KCNJ9: variants seen among roughly 807,000 people sequenced by gnomAD.
KCNJ9 encodes G protein-activated inward rectifier potassium channel 3.
In KCNJ9, 18 loss-of-function variants were observed where a neutral mutation model predicts 27.9. The ratio of observed to expected loss-of-function variants is 0.65; its 90% CI spans 0.45 to 0.96. The LOEUF (loss-of-function observed/expected upper bound fraction) is 0.96. Among genes scored for constraint, KCNJ9 ranks in the 40% least tolerant of loss-of-function variants. The pLI, the probability that KCNJ9 is intolerant of heterozygous loss-of-function variation, is 0.00. For synonymous variants in KCNJ9, 229 were observed against 248.2 expected (o/e 0.92, Z 0.73); for missense variants, 324 against 557.5 (o/e 0.58, Z 4.22).
At chr1:160,081,789 C>A (rs1423457484) in intron 1 of KCNJ9, 92 bp downstream of exon 1, 1 of 152,132 alleles carries the variant, frequency 6.6e-6, no homozygotes, top group Non-Finnish European at 1.5e-5. Flanking sequence ...GGAGTTTTCA[C>A]CAGGTCTCTC....
At position 160,089,703 on chromosome 1, in the gene KCNJ9, G is replaced by A. The variant is rs1363267393; in HGVS notation, c.*1886G>A. The A allele has an allele frequency of 6.6e-6, 1 of 152,346 alleles. No individual in the cohort carries two copies. Among genetic ancestry groups the A allele is most frequent in the Non-Finnish European group, 1.5e-5 (1 of 68,154 alleles). The allele number at this position is 152,346 out of a possible 1,614,324, so 9.4% of individuals were successfully genotyped here. Reference sequence around the variant, plus strand: ...AGCGGCAGCTTCCTGGATAGTGAGGGAGAACAACTGCAAGTTGAGAGAGGC... The same window carrying A: ...AGCGGCAGCTTCCTGGATAGTGAGGAAGAACAACTGCAAGTTGAGAGAGGC... On this transcript the variant is annotated 3_prime_UTR_variant, in exon 3 of 3. Coordinates refer to ENST00000368088, the MANE Select transcript of KCNJ9 (RefSeq NM_004983.3).
chr1:160,084,100 T>C lies in KCNJ9; in HGVS notation c.70T>C (p.Tyr24His). The C allele has an allele frequency of 6.5e-7, 1 of 1,546,222 alleles. No homozygotes were observed. The highest frequency in any genetic ancestry group is 8.7e-7 in the Non-Finnish European group (1 of 1,147,130). ...EPPRRRGRQR[Y>H]VEKDGRCNVQ... is the part of the protein sequence containing the mutation. ...GCCGCGGCGCCGCGGCCGCCAGCGC[T>C]ACGTGGAGAAGGATGGCCGGTGCAA... The change falls in exon 2 of 3, where the codon TAC (tyrosine) becomes CAC (histidine). Residue 24 changes from tyrosine (Y) to histidine (H), a missense_variant. By Grantham distance (83) the Tyr-to-His change is moderately conservative. Coordinates refer to ENST00000368088, the MANE Select transcript of KCNJ9 (RefSeq NM_004983.3).
intron 1 of KCNJ9, among the ~76,000 whole-genome samples, chr1:160,083,602 T>C (rs985849334): frequency 6.6e-6 from 1 of 152,224 alleles, no homozygotes; most frequent in Admixed American, 6.5e-5. Flanking sequence ...GCCTGGGTCT[T>C]TGGCCCCGGG....
Position 160,084,458 on chromosome 1 carries a change from C to G in KCNJ9, c.428C>G (p.Ala143Gly), listed in dbSNP as rs755409433. ...GGCATCGTGCTGCTGCTGCTGCAGGCCATCCTGGGCTCCATGGTGAACGCC... is the reference window on the plus strand; with the variant it reads ...GGCATCGTGCTGCTGCTGCTGCAGGGCATCCTGGGCTCCATGGTGAACGCC... ...PEGIVLLLLQ[A>G]ILGSMVNAFM... The change falls in exon 2 of 3, where the codon GCC (alanine) becomes GGC (glycine). Residue 143 changes from alanine to glycine, a missense_variant. This residue lies in a region of KCNJ9 where 241 missense variants were observed against 481.7 expected (regional missense o/e 0.50). Coordinates refer to ENST00000368088, the MANE Select transcript of KCNJ9 (RefSeq NM_004983.3). 6.2e-7 allele frequency: 1 copy of G among 1,613,718 alleles called. No homozygotes were observed. The highest frequency in any genetic ancestry group is 8.5e-7 in the Non-Finnish European group (1 of 1,179,922).
Position 160,088,174 on chromosome 1 carries a change from C to T in KCNJ9, c.*357C>T, listed in dbSNP as rs2737705. 84,743 of 218,228 alleles carry T rather than the reference C, an allele frequency of 0.39. 17,230 individuals are homozygous for T. The highest frequency in any genetic ancestry group is 0.44 in the East Asian group (4,637 of 10,444). The allele number at this position is 218,228 out of a possible 1,614,324, so 13.5% of individuals were successfully genotyped here. ...GATACATAGATGGACCAGTAGACAA[C>T]TGGTCCACTCAGGGCTGCCACTAAC... On this transcript the variant is annotated 3_prime_UTR_variant, in exon 3 of 3. Coordinates refer to ENST00000368088, the MANE Select transcript of KCNJ9 (RefSeq NM_004983.3).
At position 160,088,434 on chromosome 1, in the gene KCNJ9, C is replaced by T. The variant is rs1343909982; in HGVS notation, c.*617C>T. The T allele has an allele frequency of 6.6e-6, 1 of 152,276 alleles. No homozygotes were observed. The highest frequency in any genetic ancestry group is 1.5e-5 in the Non-Finnish European group (1 of 68,126). The allele number at this position is 152,276 out of a possible 1,614,324, so 9.4% of individuals were successfully genotyped here. A position where few individuals can be genotyped will look rare whatever the true frequency, so the allele number is the denominator to read the frequency against. ...ATGGGCACATGAGGAGGGTGCCCTC[C>T]TAGCTCCACCCTCACCAGGATGAAG... On this transcript the variant is annotated 3_prime_UTR_variant, in exon 3 of 3. Coordinates refer to ENST00000368088, the MANE Select transcript of KCNJ9 (RefSeq NM_004983.3).
At chr1:160,084,950 G>C (rs2101946232) in intron 2 of KCNJ9, 70 bp downstream of exon 2, 2 of 1,444,556 alleles carry the variant, frequency 1.4e-6, no homozygotes, top group East Asian at 5.0e-5. Context: ...GCAGGGGCGA[G>C]ACTAGGGGCC....
intron 1 of KCNJ9, among the ~76,000 whole-genome samples, 154 bp downstream of exon 1, chr1:160,081,851 G>C (rs767976669): frequency 3.3e-5 from 5 of 152,198 alleles, no homozygotes; most frequent in Admixed American, 1.3e-4. Context: ...GGAGGAAGAG[G>C]GGCCCAGGAA....
chr1:160,086,413 G>A (rs1229729473), intron 2 of KCNJ9, among the ~76,000 whole-genome samples: 3 of 152,190 alleles, frequency 2.0e-5, no homozygotes, highest in Admixed American at 1.3e-4. Flanking sequence ...CAGAGGAGAT[G>A]AGGATAGGAA....
Position 160,084,192 on chromosome 1 carries a change from C to T in KCNJ9, c.162C>T (p.Asp54=), listed in dbSNP as rs956914753. Residue 54 remains aspartate, a synonymous_variant, in exon 2 of 3, where the codon GAC becomes GAT. Coordinates refer to ENST00000368088, the MANE Select transcript of KCNJ9 (RefSeq NM_004983.3). ...CGGACCTGTTCACCACGCTGGTGGA[C>T]CTGCAGTGGCGCCTCAGCCTGTTGT... ...YLTDLFTTLV[D]LQWRLSLLFF... is the part of the protein sequence containing the mutation. 3.1e-6 allele frequency: 5 copies of T among 1,611,002 alleles called. No individual in the cohort carries two copies. In the African/African-American group the frequency reaches 4.0e-5, roughly 13 times the overall value.
rs1469759594 is a variant in KCNJ9 at position 160,084,471 on chromosome 1, C to T, written c.441C>T (p.Ser147=). Residue 147 remains serine (S), a synonymous_variant, in exon 2 of 3, where the codon TCC becomes TCT. Coordinates refer to ENST00000368088, the MANE Select transcript of KCNJ9 (RefSeq NM_004983.3). ...VLLLLQAILG[S]MVNAFMVGCM... ...TGCTGCTGCAGGCCATCCTGGGCTC[C>T]ATGGTGAACGCCTTCATGGTGGGCT... is the stretch of plus-strand genomic sequence containing the variant. 6.2e-7 allele frequency: 1 copy of T among 1,613,668 alleles called. No homozygotes were observed. Among genetic ancestry groups the T allele is most frequent in the East Asian group, 2.2e-5 (1 of 44,884 alleles).
At chr1:160,084,965 G>A (rs1649751286) in intron 2 of KCNJ9, 85 bp downstream of exon 2, 14 of 1,391,040 alleles carry the variant, frequency 1.0e-5, no homozygotes, top group Middle Eastern at 2.5e-4. Context: ...GGGGCCAGGG[G>A]AGCTGGGGAG....
rs753677564 is a variant in KCNJ9 at position 160,087,876 on chromosome 1, T to A, written c.*59T>A. 2 of 1,370,430 alleles carry A rather than the reference T, an allele frequency of 1.5e-6. No individual in the cohort carries two copies. Among genetic ancestry groups the A allele is most frequent in the Non-Finnish European group, 1.9e-6 (2 of 1,054,764 alleles). 84.9% of individuals were successfully genotyped at this position (1,370,430 alleles called of 1,614,324 possible). On this transcript the variant is annotated 3_prime_UTR_variant, in exon 3 of 3. Transcript: ENST00000368088. ...GGCCAGACACAGATACATGGGGAACTGCATATCGGAGGTGGTGGAGGAGGA... is the reference window on the plus strand; with the variant it reads ...GGCCAGACACAGATACATGGGGAACAGCATATCGGAGGTGGTGGAGGAGGA...
intron 1 of KCNJ9, among the ~76,000 whole-genome samples, chr1:160,082,173 C>G (rs1649688612): frequency 6.6e-6 from 1 of 152,192 alleles, no homozygotes; most frequent in Non-Finnish European, 1.5e-5. Context: ...TCTAGGCAAG[C>G]CGACTGGGGG....
Position 160,087,514 on chromosome 1 carries a change from C to T in KCNJ9, c.879C>T (p.Tyr293=), listed in dbSNP as rs1250301067. 2 of 1,607,740 alleles carry T rather than the reference C, an allele frequency of 1.2e-6. No homozygotes were observed. The highest frequency in any genetic ancestry group is 2.2e-5 in the East Asian group (1 of 44,728). ...TGMTCQARSS[Y]LVDEVLWGHR... ...TGACATGCCAAGCTCGGAGCTCCTA[C>T]CTGGTAGACGAGGTGCTGTGGGGCC... The change falls in exon 3 of 3, where the codon TAC becomes TAT. Residue 293 remains tyrosine (Y), a synonymous_variant. Transcript: ENST00000368088.
chr1:160,088,048 T>C lies in KCNJ9; in HGVS notation c.*231T>C. 1 of 427,126 alleles carries C rather than the reference T, an allele frequency of 2.3e-6. No homozygotes were observed. The highest frequency in any genetic ancestry group is 4.1e-6 in the Non-Finnish European group (1 of 244,082). The allele number at this position is 427,126 out of a possible 1,614,324, so 26.5% of individuals were successfully genotyped here. ...GTGGGGCCGGGTGAAAATGCCAGTC[T>C]GTGTTTGACCTTCACATTTGTTCAT... is the stretch of plus-strand genomic sequence containing the variant. On this transcript the variant is annotated 3_prime_UTR_variant, in exon 3 of 3. Coordinates refer to ENST00000368088, the MANE Select transcript of KCNJ9 (RefSeq NM_004983.3).
chr1:160,086,539 TG>T (rs1649780494), intron 2 of KCNJ9, among the ~76,000 whole-genome samples: 1 of 152,166 alleles, frequency 6.6e-6, no homozygotes, highest in African/African-American at 2.4e-5. Context: ...CCCAGCAAGA[TG>T]ACATTTAAAA....
Position 160,084,186 on chromosome 1 carries a change from G to A in KCNJ9, c.156G>A (p.Leu52=). Residue 52 remains leucine (L), a synonymous_variant, in exon 2 of 3, where the codon CTG becomes CTA. Transcript: ENST00000368088. ...YRYLTDLFTT[L]VDLQWRLSLL... ...ACCTGACGGACCTGTTCACCACGCT[G>A]GTGGACCTGCAGTGGCGCCTCAGCC... 6.2e-7 allele frequency: 1 copy of A among 1,610,206 alleles called. No homozygotes were observed. The highest frequency in any genetic ancestry group is 8.5e-7 in the Non-Finnish European group (1 of 1,178,308).
Position 160,084,082 on chromosome 1 carries a change from C to A in KCNJ9, c.52C>A (p.Arg18Ser). 1 of 1,537,580 alleles carries A rather than the reference C, an allele frequency of 6.5e-7. No individual in the cohort carries two copies. The highest frequency in any genetic ancestry group is 8.7e-7 in the Non-Finnish European group (1 of 1,145,134). ...FSPGQEEPPR[R>S]RGRQRYVEKD... ...GCCCGGGCAGGAGGAGCCGCCGCGG[C>A]GCCGCGGCCGCCAGCGCTACGTGGA... The change falls in exon 2 of 3, where the codon CGC (arginine) becomes AGC (serine). Residue 18 changes from arginine to serine, a missense_variant. Physicochemically the swap from Arg to Ser is moderately radical, Grantham distance 110. Around this residue, in one of 3 missense-constraint regions of KCNJ9, gnomAD observed 32 missense variants for 31.7 expected, o/e 1.01. Transcript: ENST00000368088.
Sources: allele counts gnomAD v4.1 joint callset (sites outside exome capture counted in the v4.1 genomes callset), GRCh38; gene constraint gnomAD v4.1.1; regional missense constraint gnomAD v4.1.1; transcripts MANE v1.5; gene names NCBI Gene and HGNC (gene_info 2026-07-23, HGNC 2026-07-21).